Variants in VRK2 observed in about 807,000 individuals in gnomAD.
The protein encoded by VRK2 is VRK serine/threonine kinase 2.
A neutral mutation model predicts 57.6 loss-of-function variants in VRK2; 60 were observed. The ratio of observed to expected loss-of-function variants is 1.04; its 90% confidence interval spans 0.85 to 1.29. The LOEUF is 1.29. Among genes scored for constraint, VRK2 ranks in the 50% most tolerant of loss-of-function variants. The pLI is 0.00. For missense variants in VRK2, 705 were observed against 588.1 expected, an observed-to-expected ratio of 1.20 and a Z score of -2.06; for synonymous variants, 231 against 199.2, an observed-to-expected ratio of 1.16 and a Z score of -1.35.
intron 1 of VRK2, among the ~76,000 whole-genome samples, chr2:58,003,473 T>C (rs981378359): frequency 2.6e-5 from 4 of 152,148 alleles, no homozygotes; most frequent in Non-Finnish European, 5.9e-5. Context: ...ACATTATCAG[T>C]TAATGTCTAA....
intron 2 of VRK2, among the ~76,000 whole-genome samples, chr2:58,056,740 G>C (rs1278543677): frequency 6.6e-6 from 1 of 152,120 alleles, no homozygotes; most frequent in Non-Finnish European, 1.5e-5. Context: ...ATAGTAGTGT[G>C]GTGGCATGTG....
intron 12 of VRK2, among the ~76,000 whole-genome samples, chr2:58,157,517 G>A (rs937801473): frequency 1.3e-5 from 2 of 152,130 alleles, no homozygotes; most frequent in Admixed American, 1.3e-4. Flanking sequence ...ATCAACCCAG[G>A]CTGAGAACCA....
chr2:58,063,306 G>C (rs13419989), intron 2 of VRK2, among the ~76,000 whole-genome samples: 9,718 of 150,772 alleles, frequency 0.064, 1,052 homozygotes, highest in African/African-American at 0.22. Flanking sequence ...GGAGAAGAGG[G>C]TAGATGAAGA....
Position 58,146,297 on chromosome 2 carries a change from A to C in VRK2, c.1024-19A>C, listed in dbSNP as rs368516677. ...CCAAAAGTTTTCATTATATATTATT[A>C]CTTACTCTATACCAACAGGTTGATT... On this transcript the variant is annotated intron_variant, in intron 11 of 12. Coordinates refer to ENST00000340157, the MANE Select transcript of VRK2 (RefSeq NM_006296.7). The C allele has an allele frequency of 6.3e-7, 1 of 1,581,546 alleles. No homozygotes were observed. Among genetic ancestry groups the C allele is most frequent in the Non-Finnish European group, 8.6e-7 (1 of 1,166,472 alleles).
At chr2:57,920,677 G>T (rs554350175) in intron 1 of VRK2, among the ~76,000 whole-genome samples, 1 of 152,070 alleles carries the variant, frequency 6.6e-6, no homozygotes, top group South Asian at 2.1e-4. Flanking sequence ...ACAAAAACAT[G>T]GGGACACAGT....
intron 2 of VRK2, among the ~76,000 whole-genome samples, chr2:58,083,125 T>C (rs930842085): frequency 2.0e-5 from 3 of 151,808 alleles, no homozygotes; most frequent in Admixed American, 1.3e-4. Flanking sequence ...TGATTTTCAA[T>C]TGTAGTCAAT....
At chr2:57,989,152 A>G (rs534491076) in intron 1 of VRK2, among the ~76,000 whole-genome samples, 2 of 152,304 alleles carry the variant, frequency 1.3e-5, no homozygotes, top group East Asian at 3.9e-4. Context: ...TGAGACCCCC[A>G]TGAACCACCC....
At chr2:58,058,083 G>A (rs763442559) in intron 2 of VRK2, among the ~76,000 whole-genome samples, 1 of 152,100 alleles carries the variant, frequency 6.6e-6, no homozygotes, top group Admixed American at 6.6e-5. Flanking sequence ...CAGCATGCCT[G>A]CTACCACTTG....
At chr2:57,954,191 A>G (rs1348266804) in intron 1 of VRK2, among the ~76,000 whole-genome samples, 1 of 152,112 alleles carries the variant, frequency 6.6e-6, no homozygotes, top group Non-Finnish European at 1.5e-5. Flanking sequence ...TGGGCTTTTC[A>G]ACACTAGACC....
intron 1 of VRK2, among the ~76,000 whole-genome samples, chr2:57,960,715 A>C (rs1011664041): frequency 6.6e-6 from 1 of 152,244 alleles, no homozygotes; most frequent in Non-Finnish European, 1.5e-5. Context: ...GATCAGAAGC[A>C]AAGTAGATTA....
intron 7 of VRK2, among the ~76,000 whole-genome samples, chr2:58,110,227 A>T (rs1675358293): frequency 6.6e-6 from 1 of 152,126 alleles, no homozygotes; most frequent in African/African-American, 2.4e-5. Flanking sequence ...TGATTTATTG[A>T]CCCCTCTGTC....
At chr2:58,045,783 T>C (rs1474752269), upstream of VRK2, among the ~76,000 whole-genome samples, 1 of 152,158 alleles carries the variant, frequency 6.6e-6, no homozygotes, top group Non-Finnish European at 1.5e-5. Context: ...TGCTGACGTA[T>C]TAATAATCTT....
At chr2:57,970,273 A>T (rs2104019104) in intron 1 of VRK2, among the ~76,000 whole-genome samples, 2 of 150,766 alleles carry the variant, frequency 1.3e-5, no homozygotes, top group East Asian at 3.9e-4. Context: ...AGACTATTGT[A>T]TGTTTTCCCC....
intron 2 of VRK2, among the ~76,000 whole-genome samples, chr2:58,081,695 T>G (rs1291061483): frequency 6.6e-6 from 1 of 151,962 alleles, no homozygotes; most frequent in Non-Finnish European, 1.5e-5. Context: ...ATGTTTTTTC[T>G]ACATTGTGTA....
intron 1 of VRK2, among the ~76,000 whole-genome samples, chr2:58,024,395 GT>G (rs1166091320): frequency 5.3e-5 from 8 of 151,452 alleles, no homozygotes; most frequent in Middle Eastern, 3.4e-3. Flanking sequence ...ATTAATAGAA[GT>G]TTTTTTGGGG....
chr2:57,918,020 G>A (rs2139055), intron 1 of VRK2, among the ~76,000 whole-genome samples: 3,153 of 152,144 alleles, frequency 0.021, 121 homozygotes, highest in African/African-American at 0.072. Flanking sequence ...ATTAACTAAA[G>A]TTGAAAATTA....
chr2:58,116,134 A>G (rs1676435000), intron 7 of VRK2, among the ~76,000 whole-genome samples: 1 of 152,166 alleles, frequency 6.6e-6, no homozygotes, highest in Non-Finnish European at 1.5e-5. Context: ...ACAGGCTTTA[A>G]TCCTTTTAAA....
Position 58,123,131 on chromosome 2 carries a change from A to C in VRK2, c.574A>C (p.Arg192=), listed in dbSNP as rs894692896. The C allele has an allele frequency of 1.9e-6, 3 of 1,601,060 alleles. No homozygotes were observed. Among genetic ancestry groups the C allele is most frequent in the Non-Finnish European group, 1.7e-6 (2 of 1,176,396 alleles). Residue 192 remains arginine (R), a synonymous_variant, in exon 8 of 13, where the codon AGA becomes CGA. Transcript: ENST00000340157. ...TCTTGCAGATTATGGACTTTCCTACAGATATTGTCCCAATGGGAACCACAA... is the reference window on the plus strand; with the variant it reads ...TCTTGCAGATTATGGACTTTCCTACCGATATTGTCCCAATGGGAACCACAA... ...VYLADYGLSY[R]YCPNGNHKQY...
intron 1 of VRK2, among the ~76,000 whole-genome samples, chr2:57,914,149 T>C (rs1017814052): frequency 6.6e-6 from 1 of 152,040 alleles, no homozygotes; most frequent in East Asian, 1.9e-4. Flanking sequence ...TAAATATATG[T>C]GCACAATTAA....
Sources: allele counts gnomAD v4.1 joint callset (sites outside exome capture counted in the v4.1 genomes callset), GRCh38; gene constraint gnomAD v4.1.1; transcripts MANE v1.5; gene names NCBI Gene and HGNC (gene_info 2026-07-23, HGNC 2026-07-21).